PHYHIPL: variants seen among roughly 807,000 people sequenced by gnomAD.
PHYHIPL encodes the protein phytanoyl-CoA hydroxylase-interacting protein-like.
A neutral mutation model predicts 33.4 loss-of-function variants in PHYHIPL; 9 were observed. The ratio of observed to expected loss-of-function variants is 0.27; its 90% CI spans 0.16 to 0.47. The LOEUF is 0.47. PHYHIPL is among the 20% of genes least tolerant of loss of function. The pLI, the probability that PHYHIPL is intolerant of heterozygous loss-of-function variation, is 0.99. For synonymous variants in PHYHIPL, 153 were observed against 154.1 expected (o/e 0.99, Z 0.05); for missense variants, 365 against 460.7 (o/e 0.79, Z 1.90).
At chr10:59,218,329 G>A (rs1204689892) in intron 1 of PHYHIPL, among the ~76,000 whole-genome samples, 1 of 152,138 alleles carries the variant, frequency 6.6e-6, no homozygotes, top group Non-Finnish European at 1.5e-5. Flanking sequence ...TCGTCCTGTT[G>A]TAAAAGATAT....
intron 1 of PHYHIPL, chr10:59,177,550 C>T (rs140751348): frequency 1.3e-6 from 2 of 1,551,712 alleles, no homozygotes; most frequent in African/African-American, 2.7e-5. Context: ...TTCATGGTTC[C>T]TGGGCTCTGA....
In PHYHIPL at chr10:59,176,867, G is replaced by A. The variant is rs148481159; in HGVS notation, c.14G>A (p.Arg5His). The change falls in exon 1 of 5, where the codon CGC becomes CAC. Residue 5 changes from arginine to histidine, a missense_variant. By Grantham distance (29) the Arg-to-His change is conservative (BLOSUM62 0). This residue lies in a region of PHYHIPL where 89 missense variants were observed against 78.3 expected (regional missense o/e 1.14). Transcript: ENST00000373880. MEVP[R>H]LDHALNSPTS... ...TGGGTTGGAAAAATGGAGGTGCCGC[G>A]CCTGGATCATGCCCTCAACAGCCCC... 16 of 1,612,762 alleles carry A rather than the reference G, an allele frequency of 9.9e-6. No individual in the cohort carries two copies. The highest frequency in any genetic ancestry group is 1.3e-5 in the Non-Finnish European group (15 of 1,179,454).
rs149772250 is a variant in PHYHIPL at position 59,215,733 on chromosome 10, C to T, written c.107-18571C>T. 2.4e-3 allele frequency among the ~76,000 whole-genome samples: 366 copies of T among 151,818 alleles called. 2 individuals carry two copies. Among genetic ancestry groups the T allele is most frequent in the African/African-American group, 8.0e-3 (331 of 41,424 alleles). On this transcript the variant is annotated intron_variant, in intron 1 of 4. Coordinates refer to ENST00000373880, the MANE Select transcript of PHYHIPL (RefSeq NM_032439.4). ...TAAAATATGTGAATATTCTAGAAGG[C>T]TTCTCTAAGTAGTAATAGTTAAGCT...
upstream of PHYHIPL, among the ~76,000 whole-genome samples, chr10:59,173,921 G>GTTTTT (rs368316005): frequency 2.0e-3 from 115 of 57,550 alleles, 35 homozygotes; most frequent in Non-Finnish European, 3.0e-3. Flanking sequence ...TACTTCTGAG[G>GTTTTT]TTTTTTTTTT....
rs145127114 is a variant in PHYHIPL, at chr10:59,245,495, G to T, written c.1035G>T (p.Val345=). Residue 345 remains valine (V), a synonymous_variant, in exon 5 of 5, where the codon GTG becomes GTT. Coordinates refer to ENST00000373880, the MANE Select transcript of PHYHIPL (RefSeq NM_032439.4). The stretch of plus-strand genomic sequence containing the variant: ...CTGTGGATCTTTCTGTGGGCACCGT[G>T]GCAGAAATCACTGGTCATCAGCTCA... ...TDPVDLSVGT[V]AEITGHQLMS... is the part of the protein sequence containing the mutation. The T allele has an allele frequency of 4.4e-5, 71 of 1,614,108 alleles. 1 individual carries two copies. The African/African-American group carries it at 8.5e-4, about 19-fold the overall frequency.
At chr10:59,233,188 C>T (rs769111761) in intron 1 of PHYHIPL, among the ~76,000 whole-genome samples, 33 of 151,870 alleles carry the variant, frequency 2.2e-4, no homozygotes, top group African/African-American at 4.8e-4. Context: ...CTGGCTACAA[C>T]GCAGCTTCAG....
chr10:59,193,369 C>T (rs1838831334), intron 1 of PHYHIPL, among the ~76,000 whole-genome samples: 1 of 152,028 alleles, frequency 6.6e-6, no homozygotes, highest in South Asian at 2.1e-4. Context: ...ATTTTTTCCC[C>T]TTAAGCAACA....
At chr10:59,188,152 T>G (rs1214275531) in intron 1 of PHYHIPL, among the ~76,000 whole-genome samples, 1 of 152,206 alleles carries the variant, frequency 6.6e-6, no homozygotes, top group Non-Finnish European at 1.5e-5. Flanking sequence ...TCCCAGAGAT[T>G]CTGGTATGTT....
intron 1 of PHYHIPL, among the ~76,000 whole-genome samples, chr10:59,233,308 G>T (rs1160288519): frequency 6.6e-6 from 1 of 151,752 alleles, no homozygotes; most frequent in Admixed American, 6.6e-5. Context: ...ATCTGGAAAT[G>T]GAAGGTATTA....
intron 1 of PHYHIPL, among the ~76,000 whole-genome samples, chr10:59,205,774 A>G (rs1040434260): frequency 2.6e-5 from 4 of 152,208 alleles, no homozygotes; most frequent in African/African-American, 9.7e-5. Context: ...AAAAAGGCAG[A>G]AAAAGCTTGA....
chr10:59,190,678 A>G (rs1838758685), intron 1 of PHYHIPL, among the ~76,000 whole-genome samples: 2 of 151,868 alleles, frequency 1.3e-5, no homozygotes, highest in Non-Finnish European at 3.0e-5. Context: ...CAGCTTATTA[A>G]AGAGCTGGAT....
chr10:59,186,613 C>T (rs1216188228), intron 1 of PHYHIPL, among the ~76,000 whole-genome samples: 3 of 152,074 alleles, frequency 2.0e-5, no homozygotes, highest in East Asian at 1.9e-4. Context: ...GAATGTTTTT[C>T]CATTTGTTTG....
intron 2 of PHYHIPL, 120 bp from the exon 3 acceptor site, chr10:59,236,363 T>G: frequency 2.0e-6 from 1 of 503,326 alleles, no homozygotes; most frequent in Non-Finnish European, 3.4e-6. Context: ...CCTTCCCTTC[T>G]TCCTTCCCTC....
intron 1 of PHYHIPL, among the ~76,000 whole-genome samples, chr10:59,196,706 C>T (rs914576455): frequency 1.2e-4 from 18 of 151,802 alleles, no homozygotes; most frequent in East Asian, 3.9e-4. Flanking sequence ...TGTGAGCCAC[C>T]GCGCCCGGCC....
Position 59,246,829 on chromosome 10 carries a change from T to C in PHYHIPL, c.*1238T>C, listed in dbSNP as rs1840749831. The C allele has an allele frequency of 7.8e-6, 3 of 386,410 alleles. No individual in the cohort carries two copies. The highest frequency in any genetic ancestry group is 1.4e-5 in the Non-Finnish European group (3 of 218,566). 23.9% of individuals were successfully genotyped at this position (386,410 alleles called of 1,614,324 possible). On this transcript the variant is annotated 3_prime_UTR_variant, in exon 5 of 5. Coordinates refer to ENST00000373880, the MANE Select transcript of PHYHIPL (RefSeq NM_032439.4). Reference sequence around the variant, plus strand: ...TAAACCAAAAGATTAGCAATAATACTATGGACACATTAGATTATATACTAC... The same window carrying C: ...TAAACCAAAAGATTAGCAATAATACCATGGACACATTAGATTATATACTAC...
chr10:59,233,059 G>A (rs1014740348), intron 1 of PHYHIPL, among the ~76,000 whole-genome samples: 2 of 151,896 alleles, frequency 1.3e-5, no homozygotes, highest in Non-Finnish European at 1.5e-5. Flanking sequence ...GAAATGTGGA[G>A]AAATGGGACT....
At chr10:59,217,482 A>C (rs561001970) in intron 1 of PHYHIPL, among the ~76,000 whole-genome samples, 1 of 152,070 alleles carries the variant, frequency 6.6e-6, no homozygotes, top group African/African-American at 2.4e-5. Flanking sequence ...TTTCTCTATA[A>C]TATACAATTA....
At chr10:59,220,093 C>G (rs1274364486) in intron 1 of PHYHIPL, among the ~76,000 whole-genome samples, 1 of 152,004 alleles carries the variant, frequency 6.6e-6, no homozygotes, top group Non-Finnish European at 1.5e-5. Context: ...AGGTATGCCC[C>G]TTTTCCTGTT....
chr10:59,176,994 A>G (rs545037351), intron 1 of PHYHIPL, 35 bp downstream of exon 1: 2 of 1,592,252 alleles, frequency 1.3e-6, no homozygotes, highest in South Asian at 2.2e-5. Flanking sequence ...AAAGGGACAG[A>G]GTTCGCGCCG....
Sources: allele counts gnomAD v4.1 joint callset (sites outside exome capture counted in the v4.1 genomes callset), GRCh38; gene constraint gnomAD v4.1.1; regional missense constraint gnomAD v4.1.1; transcripts MANE v1.5; gene names NCBI Gene and HGNC (gene_info 2026-07-23, HGNC 2026-07-21).